RANBP2: variants seen among roughly 807,000 people sequenced by gnomAD.
RANBP2 encodes RAN binding protein 2, also known as E3 SUMO-protein ligase RanBP2.
In RANBP2, 57 loss-of-function variants were observed where a neutral mutation model predicts 303.6. The ratio of observed to expected loss-of-function variants is 0.19; its 90% CI spans 0.15 to 0.23. RANBP2 has a LOEUF of 0.23. Ranked by LOEUF, RANBP2 falls within the 10% of genes least tolerant of loss-of-function variation. The pLI is 1.00. For synonymous variants in RANBP2, 1,167 were observed against 1,301.5 expected (o/e 0.90, Z 2.23); for missense variants, 3,138 against 3,780.8 (o/e 0.83, Z 4.46).
At chr2:109,447,920 C>G in the RANBP2 span, among the ~76,000 whole-genome samples, 1 of 152,172 alleles carries the variant, frequency 6.6e-6, no homozygotes, top group Non-Finnish European at 1.5e-5. Flanking sequence ...CCTGGAAGCC[C>G]GGTGCTTCGA....
chr2:109,037,511 A>G, the RANBP2 span, among the ~76,000 whole-genome samples: 3 of 152,192 alleles, frequency 2.0e-5, no homozygotes, highest in Non-Finnish European at 4.4e-5. Flanking sequence ...AAGGAAAGAA[A>G]TAAAACTGCC....
At chr2:109,524,993 T>G in the RANBP2 span, among the ~76,000 whole-genome samples, 85 of 151,944 alleles carry the variant, frequency 5.6e-4, no homozygotes, top group Non-Finnish European at 1.1e-3. Flanking sequence ...GCATCTTCAC[T>G]CAGTGCTTCT....
the RANBP2 span, among the ~76,000 whole-genome samples, chr2:108,956,533 G>A: frequency 8.5e-5 from 13 of 152,290 alleles, no homozygotes; most frequent in Admixed American, 4.6e-4. Context: ...AACTACACAT[G>A]GCATTGAAAT....
chr2:109,620,547 C>T, the RANBP2 span, among the ~76,000 whole-genome samples: 103 of 152,196 alleles, frequency 6.8e-4, no homozygotes, highest in African/African-American at 2.4e-3. Flanking sequence ...ACAAAAAATA[C>T]ACAAATTAGC....
At chr2:108,730,447 C>T (rs2693132) in intron 2 of RANBP2, among the ~76,000 whole-genome samples, 1,877 of 151,734 alleles carry the variant, frequency 0.012, 40 homozygotes, top group African/African-American at 0.043. Context: ...CTAATTTATT[C>T]GCAAAACTGT....
At chr2:109,693,405 C>T in the RANBP2 span, among the ~76,000 whole-genome samples, 3 of 152,116 alleles carry the variant, frequency 2.0e-5, no homozygotes, top group Admixed American at 6.5e-5. Flanking sequence ...GTGATCCACC[C>T]GCTTCGGCCT....
chr2:109,152,951 C>G, the RANBP2 span, among the ~76,000 whole-genome samples: 1 of 152,202 alleles, frequency 6.6e-6, no homozygotes. Flanking sequence ...CTGGGAAAGG[C>G]AGTACTTTAG....
the RANBP2 span, among the ~76,000 whole-genome samples, chr2:108,859,511 C>A: frequency 2.0e-5 from 3 of 152,070 alleles, no homozygotes; most frequent in Non-Finnish European, 4.4e-5. Context: ...AGATTTTCTT[C>A]TAGGATTTTT....
the RANBP2 span, chr2:109,419,466 T>G: frequency 7.0e-5 from 102 of 1,458,672 alleles, no homozygotes; most frequent in Non-Finnish European, 9.4e-5. Context: ...GGATGCAGCC[T>G]CATTTTGCTT....
rs752209534 is a variant in RANBP2 at position 108,782,736 on chromosome 2, T to C, written c.9243T>C (p.Thr3081=). The change falls in exon 28 of 29, where the codon ACT becomes ACC. Residue 3081 remains threonine (T), a synonymous_variant. Transcript: ENST00000283195. ...ACGGTGAACCTCTAGGGCGGATAAC[T>C]ATGGAATTATTTTCAAACATTGTTC... ...CADGEPLGRI[T]MELFSNIVPR... 8.1e-6 allele frequency: 13 copies of C among 1,614,128 alleles called. No homozygotes were observed. The highest frequency in any genetic ancestry group is 3.3e-4 in the Middle Eastern group (2 of 6,084).
the RANBP2 span, chr2:109,594,936 G>A: frequency 3.3e-5 from 5 of 151,774 alleles, no homozygotes; most frequent in East Asian, 9.7e-4. Flanking sequence ...CACCCAGGCT[G>A]GAGTGCAGGG....
the RANBP2 span, chr2:109,613,520 G>A: frequency 2.4e-4 from 57 of 236,162 alleles, no homozygotes; most frequent in Admixed American, 6.7e-4. Context: ...TGTAACTTTT[G>A]GCAAAGACCG....
At chr2:109,249,467 C>CTCTCTCTTTCTTTCTTTCTTTCTT in the RANBP2 span, among the ~76,000 whole-genome samples, 2 of 99,290 alleles carry the variant, frequency 2.0e-5, no homozygotes, top group African/African-American at 8.1e-5. Flanking sequence ...TTCTCTCTTT[C>CTCTCTCTTTCTTTCTTTCTTTCTT]TCTTTCTTTC....
the RANBP2 span, among the ~76,000 whole-genome samples, chr2:108,987,720 C>G: frequency 6.6e-6 from 1 of 152,200 alleles, no homozygotes; most frequent in Non-Finnish European, 1.5e-5. Flanking sequence ...AGACCCCCGG[C>G]CAATCGCCAC....
At chr2:109,629,491 T>C in the RANBP2 span, among the ~76,000 whole-genome samples, 1 of 151,596 alleles carries the variant, frequency 6.6e-6, no homozygotes, top group South Asian at 2.1e-4. Flanking sequence ...AACACCATGC[T>C]GTACAAATTT....
chr2:109,398,058 T>G, the RANBP2 span, among the ~76,000 whole-genome samples: 3 of 152,144 alleles, frequency 2.0e-5, no homozygotes, highest in Non-Finnish European at 4.4e-5. Context: ...GAAAAGAGCT[T>G]CTGTGGTTTA....
At chr2:108,875,586 A>G in the RANBP2 span, among the ~76,000 whole-genome samples, 2 of 152,196 alleles carry the variant, frequency 1.3e-5, no homozygotes, top group Admixed American at 6.5e-5. Flanking sequence ...GGCTGGGCAC[A>G]GTGGTTCACA....
the RANBP2 span, among the ~76,000 whole-genome samples, chr2:109,481,222 C>T: frequency 3.3e-5 from 5 of 152,152 alleles, no homozygotes; most frequent in Admixed American, 6.5e-5. Flanking sequence ...GGTTGGGTGG[C>T]GAGGGTCCCC....
At chr2:109,302,557 C>A in the RANBP2 span, among the ~76,000 whole-genome samples, 5 of 152,336 alleles carry the variant, frequency 3.3e-5, no homozygotes, top group Non-Finnish European at 5.9e-5. Context: ...AGGCCAGAGA[C>A]CCTGTGCTGT....
Sources: gnomAD v4.1 joint callset for allele counts (sites outside exome capture counted in the v4.1 genomes callset) on GRCh38, gnomAD v4.1.1 for gene constraint, MANE v1.5 for transcripts, NCBI Gene and HGNC (gene_info 2026-07-23, HGNC 2026-07-21) for gene names.